EFHD1: variants seen among roughly 807,000 people sequenced by gnomAD.
EFHD1 encodes EF-hand domain family member D1, also known as EF-hand domain-containing protein D1.
In EFHD1, 10 loss-of-function variants were observed where a neutral mutation model predicts 17.2. The observed-to-expected ratio is 0.58, with a 90% CI of 0.36 to 0.99. The LOEUF (loss-of-function observed/expected upper bound fraction) is 0.99. EFHD1 is among the 50% of genes least tolerant of loss of function. The pLI, the probability that EFHD1 is intolerant of heterozygous loss-of-function variation, is 0.01. For missense variants in EFHD1, 310 were observed against 327.5 expected (o/e 0.95, Z 0.41); for synonymous variants, 153 against 142.0 (o/e 1.08, Z -0.55).
At chr2:232,671,357 T>G (rs906150329) in intron 2 of EFHD1, among the ~76,000 whole-genome samples, 24 of 152,108 alleles carry the variant, frequency 1.6e-4, no homozygotes, top group African/African-American at 5.3e-4. Context: ...TAGGACCACC[T>G]GAGCCCAGGA....
intron 1 of EFHD1, among the ~76,000 whole-genome samples, chr2:232,609,152 T>C (rs534250399): frequency 1.4e-5 from 2 of 143,880 alleles, no homozygotes; most frequent in African/African-American, 5.1e-5. Context: ...CTCTGCCTCC[T>C]GGGTTCAGGT....
chr2:232,639,790 G>A (rs772023017), intron 1 of EFHD1, among the ~76,000 whole-genome samples: 1 of 152,072 alleles, frequency 6.6e-6, no homozygotes, highest in Non-Finnish European at 1.5e-5. Context: ...ACATCCTCAG[G>A]GCACTGACAT....
intron 1 of EFHD1, among the ~76,000 whole-genome samples, chr2:232,644,942 A>ATTTTTT (rs752790323): frequency 1.7e-4 from 20 of 114,372 alleles, no homozygotes; most frequent in African/African-American, 6.5e-4. Context: ...ATGCCTGGCA[A>ATTTTTT]TTTTTTTTTT....
At chr2:232,622,594 G>A (rs927897586) in intron 1 of EFHD1, among the ~76,000 whole-genome samples, 4 of 151,740 alleles carry the variant, frequency 2.6e-5, no homozygotes, top group Non-Finnish European at 4.4e-5. Context: ...ACACCTTGGT[G>A]AGAGGTGAGG....
At chr2:232,631,704 A>C (rs1196220441), upstream of EFHD1, among the ~76,000 whole-genome samples, 1 of 139,842 alleles carries the variant, frequency 7.2e-6, no homozygotes, top group African/African-American at 3.0e-5. Context: ...AAAAAAAAAA[A>C]AACAAAAACA....
Position 232,633,673 on chromosome 2 carries a change from C to T in EFHD1, c.-32C>T, listed in dbSNP as rs1464150816. ...CAGCTCCCTGCGTCCCGTCCCGCGT[C>T]CCCGCGTTCCCGCGTCCTGCGATCC... is the stretch of plus-strand genomic sequence containing the variant. On this transcript the variant is annotated 5_prime_UTR_variant, in exon 1 of 4. Coordinates refer to ENST00000264059, the MANE Select transcript of EFHD1 (RefSeq NM_025202.4). 7.1e-7 allele frequency: 1 copy of T among 1,402,030 alleles called. No homozygotes were observed. The allele number at this position is 1,402,030 out of a possible 1,614,324, so 86.8% of individuals were successfully genotyped here.
At chr2:232,680,834 C>A (rs13028442) in intron 3 of EFHD1, among the ~76,000 whole-genome samples, 45,123 of 151,572 alleles carry the variant, frequency 0.3, 7,408 homozygotes, top group East Asian at 0.51. Context: ...TTTAAAGGTA[C>A]CCCTTTGCCA....
chr2:232,630,784 TAA>T (rs35113329), upstream of EFHD1, among the ~76,000 whole-genome samples: 48 of 134,904 alleles, frequency 3.6e-4, no homozygotes, highest in Middle Eastern at 3.9e-3. Context: ...TCATCTCTAT[TAA>T]AAAAAAAAAA....
chr2:232,626,408 CGTG>C (rs930016280), intron 1 of EFHD1, among the ~76,000 whole-genome samples: 3 of 151,214 alleles, frequency 2.0e-5, no homozygotes, highest in Non-Finnish European at 4.4e-5. Flanking sequence ...ATTAGCTGGG[CGTG>C]GTGGTGCATG....
chr2:232,613,293 A>C (rs897667991), intron 1 of EFHD1, among the ~76,000 whole-genome samples: 3 of 151,868 alleles, frequency 2.0e-5, no homozygotes, highest in African/African-American at 4.8e-5. Flanking sequence ...TCATGATGGC[A>C]TGCACCTGAA....
At position 232,633,810 on chromosome 2, in the gene EFHD1, C is replaced by G. The variant is rs745720160; in HGVS notation, c.106C>G (p.Pro36Ala). The change falls in exon 1 of 4, where the codon CCC (proline) becomes GCC (alanine). Residue 36 changes from proline to alanine, a missense_variant. Transcript: ENST00000264059. ...TCCCCTCGGCGCCCCAGCCCCGGAG[C>G]CCAAGCCCGAGCCCGAGCCTCCCGC... ...LAPLGAPAPE[P>A]KPEPEPPARA... 2 of 1,471,800 alleles carry G rather than the reference C, an allele frequency of 1.4e-6. No individual in the cohort carries two copies. Among genetic ancestry groups the G allele is most frequent in the African/African-American group, 2.9e-5 (2 of 67,846 alleles). The allele number at this position is 1,471,800 out of a possible 1,614,324, so 91.2% of individuals were successfully genotyped here.
chr2:232,647,932 C>T (rs1017886576), intron 1 of EFHD1, among the ~76,000 whole-genome samples: 7 of 152,278 alleles, frequency 4.6e-5, no homozygotes, highest in Middle Eastern at 3.4e-3. Flanking sequence ...CCACTGCACC[C>T]GGCCTCCTTT....
chr2:232,658,708 TACAGACAGAAAGG>T, intron 1 of EFHD1, among the ~76,000 whole-genome samples: 1 of 151,594 alleles, frequency 6.6e-6, no homozygotes, highest in Non-Finnish European at 1.5e-5. Flanking sequence ...GGCAAATCCA[TACAGACAGAAAGG>T]CTAGTAGTTG....
intron 1 of EFHD1, among the ~76,000 whole-genome samples, chr2:232,636,039 A>G (rs1694312897): frequency 6.6e-6 from 1 of 152,238 alleles, no homozygotes. Flanking sequence ...TGCTGCCATC[A>G]GTGCTTAGTT....
At chr2:232,641,252 G>C (rs1694426462) in intron 1 of EFHD1, among the ~76,000 whole-genome samples, 1 of 151,992 alleles carries the variant, frequency 6.6e-6, no homozygotes, top group Admixed American at 6.6e-5. Flanking sequence ...ATGTTGCCCA[G>C]CCTGGTCCTG....
At chr2:232,607,071 A>G (rs947046048) in intron 1 of EFHD1, among the ~76,000 whole-genome samples, 11 of 151,062 alleles carry the variant, frequency 7.3e-5, no homozygotes, top group Non-Finnish European at 1.5e-4. Context: ...GGCTCACTAC[A>G]ACGTCCACCT....
chr2:232,651,465 T>C (rs1694652834), intron 1 of EFHD1, among the ~76,000 whole-genome samples: 1 of 152,236 alleles, frequency 6.6e-6, no homozygotes, highest in Non-Finnish European at 1.5e-5. Flanking sequence ...GCTTTCACAC[T>C]GCAGTTGCTT....
At chr2:232,626,391 C>CA (rs1381701770) in intron 1 of EFHD1, among the ~76,000 whole-genome samples, 1 of 150,454 alleles carries the variant, frequency 6.6e-6, no homozygotes, top group Non-Finnish European at 1.5e-5. Flanking sequence ...ATAAAAAATA[C>CA]AAAAAAATTA....
chr2:232,640,432 AG>A (rs992859092), intron 1 of EFHD1, among the ~76,000 whole-genome samples: 4 of 152,100 alleles, frequency 2.6e-5, no homozygotes, highest in Non-Finnish European at 5.9e-5. Flanking sequence ...TATGTCTGCT[AG>A]TGTGTGCTCC....
Sources: allele counts gnomAD v4.1 joint callset (sites outside exome capture counted in the v4.1 genomes callset), GRCh38; gene constraint gnomAD v4.1.1; transcripts MANE v1.5; gene names NCBI Gene and HGNC (gene_info 2026-07-23, HGNC 2026-07-21).